Variants in KRT28 observed in about 807,000 individuals in gnomAD.
KRT28 encodes the protein keratin, type I cytoskeletal 28.
KRT28 carries 45 observed loss-of-function variants against 48.1 expected under a neutral mutation model. The observed-to-expected ratio is 0.94, with a 90% CI of 0.74 to 1.20. KRT28 has a LOEUF of 1.20. KRT28 is among the 50% of genes most tolerant of loss of function. The pLI, the probability that KRT28 is intolerant of heterozygous loss-of-function variation, is 0.00. For synonymous variants in KRT28, 228 were observed against 227.4 expected, an observed-to-expected ratio of 1.00 and a Z score of -0.03; for missense variants, 571 against 574.1, an observed-to-expected ratio of 0.99 and a Z score of 0.06.
In KRT28 at chr17:40,799,518, C is replaced by T. The variant is rs146874101; in HGVS notation, c.376G>A (p.Gly126Arg). 743 of 1,614,156 alleles carry T rather than the reference C, an allele frequency of 4.6e-4. 1 individual carries two copies. The highest frequency in any genetic ancestry group is 6.6e-4 in the Middle Eastern group (4 of 6,062). ...RKIKGWYEKYGPGSCRGLDHD... is the reference protein window; with the variant it reads ...RKIKGWYEKYRPGSCRGLDHD... ...TCAAGTCCACGGCAAGATCCAGGTC[C>T]GTATTTTTCATACCAACCCTTGATT... Residue 126 changes from glycine (G) to arginine (R), a missense_variant, in exon 1 of 8, where the codon GGA (glycine) becomes AGA (arginine). Transcript: ENST00000306658.
At chr17:40,794,894 A>G (rs945363400) in intron 5 of KRT28, among the ~76,000 whole-genome samples, 4 of 152,238 alleles carry the variant, frequency 2.6e-5, no homozygotes, top group African/African-American at 9.6e-5. Flanking sequence ...TGAAAGATTT[A>G]TTAAGAGAAG....
At position 40,799,379 on chromosome 17, in the gene KRT28, T is replaced by C. The variant is rs1052148148; in HGVS notation, c.450+65A>G. ...CAGTCATGAAGCATTTCTTATTGTA[T>C]GTCTTTTGTTAGGTATTTCTTAGTT... On this transcript the variant is annotated intron_variant, in intron 1 of 7. Transcript: ENST00000306658. 1.7e-5 allele frequency: 20 copies of C among 1,203,312 alleles called. No individual in the cohort carries two copies. The African/African-American group carries it at 1.7e-4, about 10-fold the overall frequency. The allele number at this position is 1,203,312 out of a possible 1,614,324, so 74.5% of individuals were successfully genotyped here.
At chr17:40,793,099 C>CA in intron 7 of KRT28, 56 bp downstream of exon 7, 5 of 1,250,190 alleles carry the variant, frequency 4.0e-6, no homozygotes, top group Admixed American at 2.5e-5. Flanking sequence ...GACTCTGTCT[C>CA]AAAAAAATTT....
chr17:40,797,385 G>C lies in KRT28; in HGVS notation c.691-104C>G, dbSNP rs60690850. On this transcript the variant is annotated intron_variant, in intron 3 of 7. Transcript: ENST00000306658. ...TATGTCTCAAAGTTTGCGGTCAGGT[G>C]TATAATTTATGGCACACAATTTTTT... is the stretch of plus-strand genomic sequence containing the variant. 6,897 of 1,142,934 alleles carry C rather than the reference G, an allele frequency of 6.0e-3. 329 individuals carry two copies. The African/African-American group carries it at 0.097, about 16-fold the overall frequency. The allele number at this position is 1,142,934 out of a possible 1,614,324, so 70.8% of individuals were successfully genotyped here. A position where few individuals can be genotyped will look rare whatever the true frequency, so the allele number is the denominator to read the frequency against.
At position 40,799,933 on chromosome 17, in the gene KRT28, T is replaced by A; in HGVS notation, c.-40A>T. On this transcript the variant is annotated 5_prime_UTR_variant, in exon 1 of 8. Transcript: ENST00000306658. ...TGTTCACCTTGTCTATGCAAAACTG[T>A]AATGTCCCAAGAGAACAGAATATCA... 1 of 1,453,878 alleles carries A rather than the reference T, an allele frequency of 6.9e-7. No individual in the cohort carries two copies. Among genetic ancestry groups the A allele is most frequent in the Non-Finnish European group, 9.5e-7 (1 of 1,049,292 alleles). 90.1% of individuals were successfully genotyped at this position (1,453,878 alleles called of 1,614,324 possible). A position where few individuals can be genotyped will look rare whatever the true frequency, so the allele number is the denominator to read the frequency against.
At chr17:40,795,229 AAGG>A (rs780332384) in intron 5 of KRT28, among the ~76,000 whole-genome samples, 72 of 152,290 alleles carry the variant, frequency 4.7e-4, no homozygotes, top group Non-Finnish European at 8.2e-4. Context: ...AGGTAAGTGG[AAGG>A]AGATCAGGAT....
chr17:40,795,304 C>G (rs966934469), intron 5 of KRT28, among the ~76,000 whole-genome samples: 1 of 151,988 alleles, frequency 6.6e-6, no homozygotes, highest in Non-Finnish European at 1.5e-5. Flanking sequence ...CTCGGCAGCT[C>G]AAAACTTTAA....
chr17:40,797,601 T>A (rs531844050), intron 3 of KRT28, among the ~76,000 whole-genome samples: 2 of 152,028 alleles, frequency 1.3e-5, no homozygotes, highest in African/African-American at 4.8e-5. Flanking sequence ...ATACAAAAAT[T>A]AGCCAGGCTT....
At chr17:40,795,118 A>G (rs908148820) in intron 5 of KRT28, among the ~76,000 whole-genome samples, 3 of 152,236 alleles carry the variant, frequency 2.0e-5, no homozygotes, top group Admixed American at 6.5e-5. Context: ...CTTAACGGGC[A>G]GACATTGGGT....
chr17:40,794,872 C>T (rs1904576705), intron 5 of KRT28, among the ~76,000 whole-genome samples: 3 of 152,170 alleles, frequency 2.0e-5, no homozygotes. Flanking sequence ...TCTGATCTTA[C>T]ATGGTTGAAA....
intron 7 of KRT28, among the ~76,000 whole-genome samples, chr17:40,792,790 A>G (rs1265686870): frequency 6.6e-6 from 1 of 152,202 alleles, no homozygotes; most frequent in Non-Finnish European, 1.5e-5. Context: ...TATGACTGCC[A>G]TTAATGTAAA....
At chr17:40,794,466 C>T (rs147438715) in intron 5 of KRT28, among the ~76,000 whole-genome samples, 30 of 152,254 alleles carry the variant, frequency 2.0e-4, no homozygotes, top group African/African-American at 5.1e-4. Context: ...AGATCCACTC[C>T]GCTAGTGTTC....
At chr17:40,798,481 A>G (rs1324284217) in intron 2 of KRT28, 90 bp from the exon 3 acceptor site, 3 of 1,396,384 alleles carry the variant, frequency 2.1e-6, no homozygotes, top group Non-Finnish European at 2.9e-6. Flanking sequence ...ACTGAAAATT[A>G]GAAATTGAAT....
chr17:40,798,296 T>A lies in KRT28; in HGVS notation c.629A>T (p.Gln210Leu). Residue 210 changes from glutamine (Q) to leucine (L), a missense_variant, in exon 3 of 8, where the codon CAG becomes CTG. Physicochemically the swap from Gln to Leu is moderately radical, Grantham distance 113. Coordinates refer to ENST00000306658, the MANE Select transcript of KRT28 (RefSeq NM_181535.3). ...ACTCAGAGACTCATATTGCAGCTCCTGGTCGGTCCTGCAGAGCGTCAGCTC... is the reference window on the plus strand; with the variant it reads ...ACTCAGAGACTCATATTGCAGCTCCAGGTCGGTCCTGCAGAGCGTCAGCTC... ...LDELTLCRTD[Q>L]ELQYESLSEE... 1 of 1,613,520 alleles carries A rather than the reference T, an allele frequency of 6.2e-7. No homozygotes were observed. Among genetic ancestry groups the A allele is most frequent in the Non-Finnish European group, 8.5e-7 (1 of 1,179,494 alleles).
At position 40,799,935 on chromosome 17, in the gene KRT28, A is replaced by G. The variant is rs770231211; in HGVS notation, c.-42T>C. ...TTCACCTTGTCTATGCAAAACTGTAATGTCCCAAGAGAACAGAATATCATG... is the reference window on the plus strand; with the variant it reads ...TTCACCTTGTCTATGCAAAACTGTAGTGTCCCAAGAGAACAGAATATCATG... On this transcript the variant is annotated 5_prime_UTR_variant, in exon 1 of 8. Coordinates refer to ENST00000306658, the MANE Select transcript of KRT28 (RefSeq NM_181535.3). 1.3e-5 allele frequency: 19 copies of G among 1,419,962 alleles called. No individual in the cohort carries two copies. Among genetic ancestry groups the G allele is most frequent in the Admixed American group, 6.9e-5 (4 of 57,764 alleles). 88.0% of individuals were successfully genotyped at this position (1,419,962 alleles called of 1,614,324 possible). A position where few individuals can be genotyped will look rare whatever the true frequency, so the allele number is the denominator to read the frequency against.
In KRT28 at chr17:40,796,934, C is replaced by A; in HGVS notation, c.960G>T (p.Leu320=). The A allele has an allele frequency of 6.2e-7, 1 of 1,606,692 alleles. No homozygotes were observed. The highest frequency in any genetic ancestry group is 8.5e-7 in the Non-Finnish European group (1 of 1,177,076). Residue 320 remains leucine, a synonymous_variant, in exon 5 of 8, where the codon CTG becomes CTT. Coordinates refer to ENST00000306658, the MANE Select transcript of KRT28 (RefSeq NM_181535.3). ...CACCTACCGTGGCCATCAGGGACTGCAGCTGGATCTCCAGGGTCTGCAGGG... is the reference window on the plus strand; with the variant it reads ...CACCTACCGTGGCCATCAGGGACTGAAGCTGGATCTCCAGGGTCTGCAGGG... ...RRTLQTLEIQ[L]QSLMATKHSL...
rs745749466 is a variant in KRT28, at chr17:40,793,196, G to T, written c.1211C>A (p.Ser404Ter). ...AGGGCTTCCTGATCCAAAGCCCTTT[G>T]ATTTGGAGCATGAACTGTAAAAGAA... ...IDGDGNSCSK[S>*]KGFGSGSPGN... Residue 404 changes from serine to a stop codon, truncating the protein, a stop_gained, in exon 7 of 8, where the codon TCA becomes TAA. Coordinates refer to ENST00000306658, the MANE Select transcript of KRT28 (RefSeq NM_181535.3). LOFTEE classifies it high-confidence loss of function. 1 of 1,562,412 alleles carries T rather than the reference G, an allele frequency of 6.4e-7. No individual in the cohort carries two copies. Among genetic ancestry groups the T allele is most frequent in the Non-Finnish European group, 8.7e-7 (1 of 1,152,714 alleles).
chr17:40,793,909 C>T lies in KRT28; in HGVS notation c.1116G>A (p.Glu372=). 6.2e-7 allele frequency: 1 copy of T among 1,613,978 alleles called. No homozygotes were observed. The highest frequency in any genetic ancestry group is 1.1e-5 in the South Asian group (1 of 91,068). Residue 372 remains glutamate, a synonymous_variant, in exon 6 of 8, where the codon GAG becomes GAA. Transcript: ENST00000306658. ...CCTTGACATCGAGGAGATGCTCATA[C>T]TCCAGCTTCTGGCCCTCGGTCTCGG... ...VRTETEGQKL[E]YEHLLDVKVH...
chr17:40,799,002 A>G lies in KRT28; in HGVS notation c.451-3T>C, dbSNP rs200138772. 148 of 1,548,028 alleles carry G rather than the reference A, an allele frequency of 9.6e-5. 2 individuals carry two copies. The Admixed American group carries it at 2.4e-3, about 25-fold the overall frequency. On this transcript the variant is annotated splice_region_variant and splice_polypyrimidine_tract_variant and intron_variant, in intron 1 of 7. Transcript: ENST00000306658. ...TTAGTAGTAGTGGAGGAGATAATCT[A>G]GAATAAACCAAAACAGAGAACACAA...
Sources: gnomAD v4.1 joint callset for allele counts (sites outside exome capture counted in the v4.1 genomes callset) on GRCh38, gnomAD v4.1.1 for gene constraint, MANE v1.5 for transcripts, NCBI Gene and HGNC (gene_info 2026-07-23, HGNC 2026-07-21) for gene names.